Variants in ZNF625 observed in about 807,000 individuals in gnomAD.
ZNF625 encodes the protein zinc finger protein 625.
ZNF625 carries 8 observed loss-of-function variants against 11.1 expected under a neutral mutation model. The ratio of observed to expected loss-of-function variants is 0.72; its 90% CI spans 0.42 to 1.30. The LOEUF (loss-of-function observed/expected upper bound fraction) is 1.30. ZNF625 is among the 50% of genes most tolerant of loss of function. ZNF625 has a pLI of 0.01. For synonymous variants in ZNF625, 145 were observed against 153.4 expected (o/e 0.95, Z 0.41); for missense variants, 349 against 447.6 (o/e 0.78, Z 1.99).
intron 1 of ZNF625, among the ~76,000 whole-genome samples, chr19:12,155,701 A>G (rs1379186680): frequency 2.6e-5 from 4 of 152,214 alleles, no homozygotes; most frequent in East Asian, 1.9e-4. Context: ...GTTATTTTGC[A>G]GAGTTTTGCT....
chr19:12,152,459 C>A (rs2145613689), intron 1 of ZNF625, among the ~76,000 whole-genome samples: 1 of 152,174 alleles, frequency 6.6e-6, no homozygotes, highest in African/African-American at 2.4e-5. Flanking sequence ...ATGCAATACA[C>A]CATAATAGTA....
At chr19:12,154,318 A>T (rs8109178) in intron 1 of ZNF625, among the ~76,000 whole-genome samples, 12,817 of 152,226 alleles carry the variant, frequency 0.084, 680 homozygotes, top group Non-Finnish European at 0.12. Flanking sequence ...CTCCTGCCTC[A>T]GTGTCCCTTG....
intron 1 of ZNF625, among the ~76,000 whole-genome samples, chr19:12,152,791 G>A (rs1245446088): frequency 6.6e-6 from 1 of 151,546 alleles, no homozygotes; most frequent in Non-Finnish European, 1.5e-5. Context: ...GCAGTGGGCC[G>A]AGATCATGCC....
chr19:12,151,088 T>C (rs1281005742), intron 1 of ZNF625, among the ~76,000 whole-genome samples: 1 of 147,156 alleles, frequency 6.8e-6, no homozygotes, highest in African/African-American at 2.6e-5. Flanking sequence ...TTGCAATTTA[T>C]TTCTTCTTTT....
Position 12,145,036 on chromosome 19 carries a change from C to A in ZNF625, c.*261G>T. On this transcript the variant is annotated 3_prime_UTR_variant, in exon 4 of 4. Transcript: ENST00000439556. ...GCCAAACCTCGTATTTTTTTTATGA[C>A]AGAACTGTCTTAAGGTCTTACTGGA... 1 of 394,340 alleles carries A rather than the reference C, an allele frequency of 2.5e-6. No individual in the cohort carries two copies. The highest frequency in any genetic ancestry group is 4.9e-5 in the South Asian group (1 of 20,222). 24.4% of individuals were successfully genotyped at this position (394,340 alleles called of 1,614,324 possible).
intron 2 of ZNF625, 36 bp downstream of exon 2, chr19:12,147,640 C>A: frequency 6.2e-7 from 1 of 1,613,350 alleles, no homozygotes; most frequent in Non-Finnish European, 8.5e-7. Flanking sequence ...CACTTGTTCT[C>A]TAATTCACTG....
intron 1 of ZNF625, among the ~76,000 whole-genome samples, chr19:12,153,074 C>T (rs766542133): frequency 2.6e-5 from 4 of 151,986 alleles, no homozygotes; most frequent in African/African-American, 4.8e-5. Context: ...AAAGCCTAGG[C>T]GGGACGCGGT....
intron 1 of ZNF625, among the ~76,000 whole-genome samples, chr19:12,153,363 A>G (rs915803914): frequency 6.6e-6 from 1 of 151,584 alleles, no homozygotes; most frequent in Non-Finnish European, 1.5e-5. Context: ...AAAAAAAAAA[A>G]AAAGAAAAGC....
rs1976846378 is a variant in ZNF625, at chr19:12,144,984, G to T, written c.*313C>A. On this transcript the variant is annotated 3_prime_UTR_variant, in exon 4 of 4. Transcript: ENST00000439556. ...CTGCCTCGGCCTCCCAAAGTGCTGGGATTATAGGCATGAGCCACTGCACCC... is the reference window on the plus strand; with the variant it reads ...CTGCCTCGGCCTCCCAAAGTGCTGGTATTATAGGCATGAGCCACTGCACCC... 3 of 255,532 alleles carry T rather than the reference G, an allele frequency of 1.2e-5. No individual in the cohort carries two copies. The highest frequency in any genetic ancestry group is 2.2e-5 in the Non-Finnish European group (3 of 134,632). 15.8% of individuals were successfully genotyped at this position (255,532 alleles called of 1,614,324 possible).
intron 1 of ZNF625, among the ~76,000 whole-genome samples, chr19:12,149,262 C>T (rs1034419701): frequency 7.9e-6 from 1 of 126,314 alleles, no homozygotes; most frequent in Non-Finnish European, 1.5e-5. Context: ...TCCAGCCTGG[C>T]GACAGAGCAA....
At position 12,145,419 on chromosome 19, in the gene ZNF625, A is replaced by G; in HGVS notation, c.997T>C (p.Cys333Arg). The part of the protein sequence containing the change: ...RTHTGEKPYE[C>R]KQCGKAFGCA... Reference sequence around the variant, plus strand: ...CCAAAGGCTTTACCACATTGTTTACATTCATAGGGTTTCTCTCCAGTGTGA... The same window carrying G: ...CCAAAGGCTTTACCACATTGTTTACGTTCATAGGGTTTCTCTCCAGTGTGA... The change falls in exon 4 of 4, where the codon TGT (cysteine) becomes CGT (arginine). Residue 333 changes from cysteine (C) to arginine (R), a missense_variant. Physicochemically the swap from Cys to Arg is radical, Grantham distance 180. Transcript: ENST00000439556. The G allele has an allele frequency of 6.2e-7, 1 of 1,614,206 alleles. No individual in the cohort carries two copies. Among genetic ancestry groups the G allele is most frequent in the South Asian group, 1.1e-5 (1 of 91,084 alleles).
intron 1 of ZNF625, among the ~76,000 whole-genome samples, chr19:12,148,218 G>A (rs1394121053): frequency 6.6e-6 from 1 of 152,144 alleles, no homozygotes; most frequent in Non-Finnish European, 1.5e-5. Flanking sequence ...GACCACAAGT[G>A]ATCCACCAGC....
At chr19:12,147,854 G>C (rs1976898819) in intron 1 of ZNF625, 52 bp from the exon 2 acceptor site, 2 of 1,601,662 alleles carry the variant, frequency 1.2e-6, no homozygotes, top group Admixed American at 1.7e-5. Flanking sequence ...ACAGCACTGG[G>C]TTCCTATACT....
chr19:12,146,984 T>TTTTTTTTTTTTTTTTTTTTTTTTTGTG (rs1976885085), intron 3 of ZNF625, among the ~76,000 whole-genome samples: 1 of 151,036 alleles, frequency 6.6e-6, no homozygotes, highest in African/African-American at 2.5e-5. Context: ...TTTTTTTTTT[T>TTTTTTTTTTTTTTTTTTTTTTTTTGTG]GAGACGGAGT....
At chr19:12,148,615 T>C (rs1040779086) in intron 1 of ZNF625, among the ~76,000 whole-genome samples, 1 of 148,172 alleles carries the variant, frequency 6.7e-6, no homozygotes, top group African/African-American at 2.5e-5. Context: ...AAAAATAATA[T>C]AACTACCATT....
At chr19:12,153,933 G>C (rs1171052045) in intron 1 of ZNF625, among the ~76,000 whole-genome samples, 1 of 140,878 alleles carries the variant, frequency 7.1e-6, no homozygotes, top group African/African-American at 2.7e-5. Flanking sequence ...TCAGCCTCCC[G>C]AGTAGCTGGG....
intron 1 of ZNF625, 22 bp downstream of exon 1, chr19:12,156,534 A>AC: frequency 8.4e-6 from 12 of 1,424,992 alleles, no homozygotes; most frequent in Non-Finnish European, 1.1e-5. Context: ...CCGTCTCGGG[A>AC]CCCCCGGCCC....
At chr19:12,152,802 A>T (rs1373934546) in intron 1 of ZNF625, among the ~76,000 whole-genome samples, 1 of 151,574 alleles carries the variant, frequency 6.6e-6, no homozygotes, top group East Asian at 2.0e-4. Context: ...AGATCATGCC[A>T]TTGCACATCC....
At chr19:12,149,743 A>ATT (rs879540255) in intron 1 of ZNF625, among the ~76,000 whole-genome samples, 1 of 145,822 alleles carries the variant, frequency 6.9e-6, no homozygotes, top group Non-Finnish European at 1.5e-5. Context: ...CGGCAGAAGT[A>ATT]TTTTTTTTTT....
Sources: gnomAD v4.1 joint callset for allele counts (sites outside exome capture counted in the v4.1 genomes callset) on GRCh38, gnomAD v4.1.1 for gene constraint, MANE v1.5 for transcripts, NCBI Gene and HGNC (gene_info 2026-07-23, HGNC 2026-07-21) for gene names.